The following XKR4 variants were observed in gnomAD, a reference collection of about 807,000 sequenced individuals.
The protein encoded by XKR4 is XK related 4, also known as XK-related protein 4.
Under a neutral mutation model 53.9 loss-of-function variants are expected in XKR4, and 12 were observed. The observed-to-expected ratio is 0.22, with a 90% CI of 0.14 to 0.36. XKR4 has a LOEUF of 0.36. Among genes scored for constraint, XKR4 ranks in the 10% least tolerant of loss-of-function variants. The pLI is 1.00. For synonymous variants in XKR4, 354 were observed against 362.4 expected (o/e 0.98, Z 0.26); for missense variants, 799 against 859.5 (o/e 0.93, Z 0.88).
chr8:55,448,196 G>A (rs1057161113), intron 2 of XKR4, among the ~76,000 whole-genome samples: 1 of 152,120 alleles, frequency 6.6e-6, no homozygotes, highest in African/African-American at 2.4e-5. Context: ...TCATAAGCCT[G>A]GCAATTTATT....
intron 1 of XKR4, among the ~76,000 whole-genome samples, chr8:55,353,361 AC>A (rs1803753443): frequency 6.6e-6 from 1 of 152,208 alleles, no homozygotes; most frequent in Non-Finnish European, 1.5e-5. Context: ...AGACACACAC[AC>A]AGGGAGAATG....
rs1336868199 is a variant in XKR4, at chr8:55,406,753, T to G, written c.1006+48876T>G. Among the ~76,000 whole-genome samples the G allele has an allele frequency of 2.0e-5, 3 of 152,218 alleles. No homozygotes were observed. The East Asian group carries it at 5.8e-4, about 29-fold the overall frequency. ...TATAAAGGCCAATGTCTTTGGCCTT[T>G]TGGCCACAAATGTCTAATATGTTAT... On this transcript the variant is annotated intron_variant, in intron 2 of 2. Coordinates refer to ENST00000327381, the MANE Select transcript of XKR4 (RefSeq NM_052898.2).
chr8:55,284,591 C>T (rs1024873723), intron 1 of XKR4, among the ~76,000 whole-genome samples: 2 of 152,180 alleles, frequency 1.3e-5, no homozygotes, highest in African/African-American at 4.8e-5. Flanking sequence ...GACATGGCAG[C>T]TGGCTTTCTC....
rs187199124 is a variant in XKR4 at position 55,484,594 on chromosome 8, T to C, written c.1007-38687T>C. Among the ~76,000 whole-genome samples the C allele has an allele frequency of 6.5e-4, 99 of 152,376 alleles. 1 individual carries two copies. The highest frequency in any genetic ancestry group is 2.4e-3 in the African/African-American group (98 of 41,590). ...TTACATGACATGATGTTTAATTTTA[T>C]GTGTCCACTTGACTGGACCACAGGG... On this transcript the variant is annotated intron_variant, in intron 2 of 2. Transcript: ENST00000327381.
intron 1 of XKR4, among the ~76,000 whole-genome samples, chr8:55,129,569 T>G (rs1333531478): frequency 2.0e-5 from 3 of 152,136 alleles, no homozygotes; most frequent in Admixed American, 2.0e-4. Flanking sequence ...TGCTGAAGTG[T>G]GGTGGCAGAG....
chr8:55,401,117 G>T (rs142835314), intron 2 of XKR4, among the ~76,000 whole-genome samples: 3 of 152,194 alleles, frequency 2.0e-5, no homozygotes, highest in Admixed American at 6.5e-5. Context: ...GTGGAGACAC[G>T]CAGGCGCCAG....
chr8:55,436,097 C>G (rs1275371716), intron 2 of XKR4, among the ~76,000 whole-genome samples: 1 of 152,152 alleles, frequency 6.6e-6, no homozygotes, highest in Non-Finnish European at 1.5e-5. Context: ...ATTCTGTTCT[C>G]TCTCAATGTT....
intron 2 of XKR4, among the ~76,000 whole-genome samples, chr8:55,365,760 G>T (rs1585540411): frequency 6.6e-6 from 1 of 151,786 alleles, no homozygotes; most frequent in East Asian, 1.9e-4. Flanking sequence ...CGGCACAGGT[G>T]CTGGGAGGGT....
chr8:55,419,845 AT>A (rs1386051527), intron 2 of XKR4, among the ~76,000 whole-genome samples: 35 of 152,276 alleles, frequency 2.3e-4, no homozygotes, highest in Admixed American at 3.9e-4. Flanking sequence ...AGTGGAGAAA[AT>A]TTTGGAACTA....
intron 2 of XKR4, among the ~76,000 whole-genome samples, chr8:55,468,193 AC>A (rs1805810949): frequency 6.6e-6 from 1 of 152,062 alleles, no homozygotes; most frequent in African/African-American, 2.4e-5. Flanking sequence ...CCAATTCTTA[AC>A]CTAAGGTATC....
chr8:55,308,831 A>G (rs1051489745), intron 1 of XKR4, among the ~76,000 whole-genome samples: 14 of 152,192 alleles, frequency 9.2e-5, no homozygotes, highest in African/African-American at 3.1e-4. Flanking sequence ...TGAATATGCT[A>G]TAGTATATGG....
chr8:55,110,657 T>C (rs1237928618), intron 1 of XKR4, among the ~76,000 whole-genome samples: 1 of 152,106 alleles, frequency 6.6e-6, no homozygotes, highest in South Asian at 2.1e-4. Context: ...CTGAGAAAAA[T>C]GCAGCTGGAA....
At chr8:55,464,905 A>G (rs1466041028) in intron 2 of XKR4, among the ~76,000 whole-genome samples, 1 of 152,106 alleles carries the variant, frequency 6.6e-6, no homozygotes, top group Non-Finnish European at 1.5e-5. Context: ...AAGAGAATAA[A>G]ATACCTAGGA....
chr8:55,386,546 G>C, intron 2 of XKR4, among the ~76,000 whole-genome samples: 1 of 152,228 alleles, frequency 6.6e-6, no homozygotes, highest in Non-Finnish European at 1.5e-5. Context: ...GATTCAATAA[G>C]AAGTTTCTGT....
At position 55,536,929 on chromosome 8, in the gene XKR4, A is replaced by G. The variant is rs1441619102; in HGVS notation, c.*12702A>G. ...TTATTCACAAAGTCTACTTGATAAA[A>G]TGGCTCAAGGGAAATACAAGTTTCT... On this transcript the variant is annotated 3_prime_UTR_variant, in exon 3 of 3. Coordinates refer to ENST00000327381, the MANE Select transcript of XKR4 (RefSeq NM_052898.2). 1 of 152,248 alleles carries G rather than the reference A, an allele frequency of 6.6e-6. No individual in the cohort carries two copies. Among genetic ancestry groups the G allele is most frequent in the Non-Finnish European group, 1.5e-5 (1 of 68,030 alleles). The allele number at this position is 152,248 out of a possible 1,614,324, so 9.4% of individuals were successfully genotyped here.
At chr8:55,291,436 T>C (rs1242838134) in intron 1 of XKR4, among the ~76,000 whole-genome samples, 4 of 152,226 alleles carry the variant, frequency 2.6e-5, no homozygotes, top group Non-Finnish European at 5.9e-5. Flanking sequence ...TTGTTAAAAC[T>C]GTATGTCAAT....
intron 2 of XKR4, among the ~76,000 whole-genome samples, chr8:55,381,212 G>A (rs745949313): frequency 6.6e-6 from 1 of 152,096 alleles, no homozygotes; most frequent in Non-Finnish European, 1.5e-5. Flanking sequence ...TCAGATCTTA[G>A]CTTTTATATT....
At chr8:55,143,676 G>A (rs550292602) in intron 1 of XKR4, among the ~76,000 whole-genome samples, 102 of 152,322 alleles carry the variant, frequency 6.7e-4, no homozygotes, top group Non-Finnish European at 1.2e-3. Context: ...CACACACTTG[G>A]TGGTGTGCCC....
Position 55,530,970 on chromosome 8 carries a change from T to A in XKR4, c.*6743T>A, listed in dbSNP as rs1481141745. 1 of 152,192 alleles carries A rather than the reference T, an allele frequency of 6.6e-6. No homozygotes were observed. Among genetic ancestry groups the A allele is most frequent in the Non-Finnish European group, 1.5e-5 (1 of 68,030 alleles). 9.4% of individuals were successfully genotyped at this position (152,192 alleles called of 1,614,324 possible). A position where few individuals can be genotyped will look rare whatever the true frequency, so the allele number is the denominator to read the frequency against. On this transcript the variant is annotated 3_prime_UTR_variant, in exon 3 of 3. Transcript: ENST00000327381. ...AAAGTTGCACTGGAATAGCTCATAG[T>A]CTGGCTATTAGCAGCACAATCATAG...
Sources: allele counts gnomAD v4.1 joint callset (sites outside exome capture counted in the v4.1 genomes callset), GRCh38; gene constraint gnomAD v4.1.1; transcripts MANE v1.5; gene names NCBI Gene and HGNC (gene_info 2026-07-23, HGNC 2026-07-21).